CAMSAP2: variants seen among roughly 807,000 people sequenced by gnomAD.
CAMSAP2 encodes the protein calmodulin-regulated spectrin-associated protein 2.
CAMSAP2 carries 26 observed loss-of-function variants against 146.1 expected under a neutral mutation model. The ratio of observed to expected loss-of-function variants is 0.18; its 90% CI spans 0.13 to 0.25. CAMSAP2 has a LOEUF of 0.25. CAMSAP2 is among the 10% of genes least tolerant of loss of function. The pLI is 1.00. For synonymous variants in CAMSAP2, 499 were observed against 596.6 expected, an observed-to-expected ratio of 0.84 and a Z score of 2.38; for missense variants, 1,381 against 1,759.3, an observed-to-expected ratio of 0.78 and a Z score of 3.85.
At chr1:200,855,351 G>A (rs1667723396) in intron 14 of CAMSAP2, among the ~76,000 whole-genome samples, 1 of 150,412 alleles carries the variant, frequency 6.6e-6, no homozygotes, top group Non-Finnish European at 1.5e-5. Context: ...TCTTTCTCTA[G>A]ATTAGAAGCT....
chr1:200,784,120 G>A (rs900031821), intron 2 of CAMSAP2, among the ~76,000 whole-genome samples: 3 of 152,084 alleles, frequency 2.0e-5, no homozygotes, highest in Middle Eastern at 3.4e-3. Flanking sequence ...GTCGACACCT[G>A]TGTCTCTTCC....
At chr1:200,790,620 G>A (rs757195538) in intron 2 of CAMSAP2, among the ~76,000 whole-genome samples, 6 of 152,022 alleles carry the variant, frequency 3.9e-5, no homozygotes, top group Non-Finnish European at 8.8e-5. Flanking sequence ...TCCATCCTTT[G>A]GGCTGGTGGT....
At chr1:200,784,453 A>C (rs1665529649) in intron 2 of CAMSAP2, among the ~76,000 whole-genome samples, 2 of 152,116 alleles carry the variant, frequency 1.3e-5, no homozygotes, top group Non-Finnish European at 2.9e-5. Context: ...AATTTATTTC[A>C]GTAGTGTTTT....
At chr1:200,753,788 G>GT (rs1221119200) in intron 1 of CAMSAP2, among the ~76,000 whole-genome samples, 1 of 152,122 alleles carries the variant, frequency 6.6e-6, no homozygotes, top group Admixed American at 6.5e-5. Flanking sequence ...GACCCACTCT[G>GT]TACTCCTCTT....
chr1:200,770,868 CG>C (rs1263114252), intron 2 of CAMSAP2, among the ~76,000 whole-genome samples: 1 of 151,980 alleles, frequency 6.6e-6, no homozygotes, highest in Non-Finnish European at 1.5e-5. Flanking sequence ...AGTAGATACT[CG>C]GTTCTTAGTG....
intron 2 of CAMSAP2, among the ~76,000 whole-genome samples, chr1:200,762,441 TAC>T (rs1373383960): frequency 2.0e-5 from 3 of 152,206 alleles, no homozygotes; most frequent in African/African-American, 7.2e-5. Context: ...AGTTTGCCCA[TAC>T]CAGGGACAAG....
intron 1 of CAMSAP2, among the ~76,000 whole-genome samples, chr1:200,748,372 T>A (rs545215177): frequency 6.6e-6 from 1 of 152,372 alleles, no homozygotes; most frequent in East Asian, 1.9e-4. Context: ...AGCACTGTTG[T>A]CACAGAATTC....
At chr1:200,845,394 C>G (rs1024780698) in intron 8 of CAMSAP2, among the ~76,000 whole-genome samples, 2 of 151,928 alleles carry the variant, frequency 1.3e-5, no homozygotes, top group Non-Finnish European at 2.9e-5. Flanking sequence ...TTATTACTTG[C>G]AGCAAGTAAG....
Position 200,850,252 on chromosome 1 carries a change from A to T in CAMSAP2, c.3465+18A>T. On this transcript the variant is annotated intron_variant, in intron 11 of 16. Coordinates refer to ENST00000358823, the MANE Select transcript of CAMSAP2 (RefSeq NM_203459.4). Reference sequence around the variant, plus strand: ...TTTTTAAGGTGTAGTATTAATCTGCATAGTTTTGGGCATCTTCATTAGATG... The same window carrying T: ...TTTTTAAGGTGTAGTATTAATCTGCTTAGTTTTGGGCATCTTCATTAGATG... The T allele has an allele frequency of 6.5e-7, 1 of 1,533,644 alleles. No individual in the cohort carries two copies. The highest frequency in any genetic ancestry group is 8.7e-7 in the Non-Finnish European group (1 of 1,144,420).
chr1:200,754,612 T>G (rs913167115), intron 1 of CAMSAP2, among the ~76,000 whole-genome samples: 1 of 136,936 alleles, frequency 7.3e-6, no homozygotes, highest in African/African-American at 2.8e-5. Flanking sequence ...AGACGAAGTC[T>G]GGCTCTGTCG....
chr1:200,765,529 ATATGT>A (rs1302367266), intron 2 of CAMSAP2, among the ~76,000 whole-genome samples: 1 of 152,076 alleles, frequency 6.6e-6, no homozygotes, highest in Non-Finnish European at 1.5e-5. Context: ...GCACCCGGCC[ATATGT>A]TATGTTCTAT....
intron 2 of CAMSAP2, among the ~76,000 whole-genome samples, chr1:200,776,190 C>G (rs1046057908): frequency 6.6e-6 from 1 of 152,090 alleles, no homozygotes; most frequent in African/African-American, 2.4e-5. Flanking sequence ...GGTCAGGGAG[C>G]TTGGAAACAT....
In CAMSAP2 at chr1:200,835,281, G is replaced by A. The variant is rs74856196; in HGVS notation, c.927+2436G>A. Among the ~76,000 whole-genome samples, 553 of 152,310 alleles carry A rather than the reference G, an allele frequency of 3.6e-3. 2 individuals carry two copies. The highest frequency in any genetic ancestry group is 0.012 in the African/African-American group (509 of 41,576). On this transcript the variant is annotated intron_variant, in intron 6 of 16. Transcript: ENST00000358823. ...GTTATTAAGATGAAAAGAAAGGAGC[G>A]TTAAACAAGTTTGTCAGCAAAATGT...
At chr1:200,813,583 G>A (rs1571784122) in intron 3 of CAMSAP2, among the ~76,000 whole-genome samples, 1 of 152,228 alleles carries the variant, frequency 6.6e-6, no homozygotes, top group Middle Eastern at 3.4e-3. Context: ...CACATAACTG[G>A]CATTCAGTAG....
intron 2 of CAMSAP2, among the ~76,000 whole-genome samples, chr1:200,794,624 C>T (rs936631919): frequency 6.6e-6 from 1 of 152,212 alleles, no homozygotes; most frequent in South Asian, 2.1e-4. Context: ...CCCAGGGCCC[C>T]TTCCCAGAGG....
At position 200,832,861 on chromosome 1, in the gene CAMSAP2, C is replaced by CT; in HGVS notation, c.927+23dup. 2.6e-6 allele frequency: 4 copies of CT among 1,543,518 alleles called. No individual in the cohort carries two copies. The highest frequency in any genetic ancestry group is 3.5e-6 in the Non-Finnish European group (4 of 1,147,588). ...ATCCATAAAGGTAAATTAAATTATTCTTTTTTTCCCTTTGCTTTGTTAAAA... is the reference window on the plus strand; with the variant it reads ...ATCCATAAAGGTAAATTAAATTATTCTTTTTTTTCCCTTTGCTTTGTTAAAA... On this transcript the variant is annotated intron_variant, in intron 6 of 16. Transcript: ENST00000358823. This position sits in a 1 kb window ranked among gnomAD's most constrained non-coding sequence, Gnocchi z 4.2.
At chr1:200,795,115 TA>T (rs1439607534) in intron 2 of CAMSAP2, among the ~76,000 whole-genome samples, 10 of 152,216 alleles carry the variant, frequency 6.6e-5, no homozygotes, top group Admixed American at 6.5e-5. Flanking sequence ...GCTGCTAGAC[TA>T]TAGGATTTAT....
intron 1 of CAMSAP2, among the ~76,000 whole-genome samples, chr1:200,741,421 G>C (rs974393290): frequency 6.6e-6 from 1 of 152,192 alleles, no homozygotes; most frequent in Admixed American, 6.5e-5. Context: ...GAGAATAATA[G>C]ATGTATTTTG....
intron 1 of CAMSAP2, among the ~76,000 whole-genome samples, chr1:200,755,532 C>T (rs1664623091): frequency 1.3e-5 from 2 of 152,090 alleles, no homozygotes; most frequent in South Asian, 2.1e-4. Flanking sequence ...GTGCTTTGGC[C>T]TTATAGGGTA....
Sources: gnomAD v4.1 joint callset for allele counts (sites outside exome capture counted in the v4.1 genomes callset) on GRCh38, gnomAD v4.1.1 for gene constraint, Gnocchi (gnomAD v3.1) non-coding constraint, MANE v1.5 for transcripts, NCBI Gene and HGNC (gene_info 2026-07-23, HGNC 2026-07-21) for gene names.